AHR: variants seen among roughly 807,000 people sequenced by gnomAD.
AHR encodes the protein AH-receptor.
In AHR, 40 loss-of-function variants were observed where a neutral mutation model predicts 86.8. That is an observed-to-expected ratio of 0.46 (90% CI 0.36 to 0.60). AHR has a LOEUF of 0.60. Among genes scored for constraint, AHR ranks in the 20% least tolerant of loss-of-function variants. The pLI is 0.00. For synonymous variants in AHR, 398 were observed against 354.9 expected, an observed-to-expected ratio of 1.12 and a Z score of -1.37; for missense variants, 1,001 against 1,011.6, an observed-to-expected ratio of 0.99 and a Z score of 0.14.
At chr7:17,326,566 A>G (rs1228150207) in intron 3 of AHR, among the ~76,000 whole-genome samples, 1 of 152,162 alleles carries the variant, frequency 6.6e-6, no homozygotes, top group African/African-American at 2.4e-5. Context: ...GCTCATTTCT[A>G]CAACCATATA....
chr7:17,323,455 CT>C (rs1284615860), intron 3 of AHR, among the ~76,000 whole-genome samples: 2 of 151,986 alleles, frequency 1.3e-5, no homozygotes, highest in African/African-American at 4.8e-5. Flanking sequence ...CATTTTGCAT[CT>C]TTTTTTACTC....
chr7:17,310,462 A>G (rs537963029), intron 2 of AHR, among the ~76,000 whole-genome samples: 11 of 151,784 alleles, frequency 7.2e-5, no homozygotes, highest in Non-Finnish European at 1.0e-4. Flanking sequence ...ATAAAACACC[A>G]TCTTGCTGGA....
At position 17,334,989 on chromosome 7, in the gene AHR, T is replaced by C; in HGVS notation, c.1011T>C (p.His337=). 4 of 1,612,036 alleles carry C rather than the reference T, an allele frequency of 2.5e-6. No homozygotes were observed. The highest frequency in any genetic ancestry group is 3.4e-6 in the Non-Finnish European group (4 of 1,178,588). Residue 337 remains histidine, a synonymous_variant, in exon 8 of 11, where the codon CAT becomes CAC. Transcript: ENST00000242057. ...ATATGCTTTATTGTGCCGAGTCCCA[T>C]ATCCGAAGTAAGTTGTAGTTCCTTA... ...AADMLYCAES[H]IRMIKTGESG... is the part of the protein sequence containing the mutation.
intron 3 of AHR, among the ~76,000 whole-genome samples, chr7:17,326,795 C>T (rs1363654936): frequency 1.3e-5 from 2 of 152,076 alleles, no homozygotes; most frequent in African/African-American, 4.8e-5. Flanking sequence ...TTAAACTAAA[C>T]CATACTGTGT....
intron 4 of AHR, among the ~76,000 whole-genome samples, chr7:17,328,567 C>A (rs960831858): frequency 6.6e-6 from 1 of 151,896 alleles, no homozygotes; most frequent in African/African-American, 2.4e-5. Flanking sequence ...CACCTGAAGA[C>A]CTTGATAAAA....
rs1486374464 is a variant in AHR at position 17,335,635 on chromosome 7, T to G, written c.1019-10T>G. 6.5e-7 allele frequency: 1 copy of G among 1,536,044 alleles called. No individual in the cohort carries two copies. Among genetic ancestry groups the G allele is most frequent in the Non-Finnish European group, 8.8e-7 (1 of 1,141,636 alleles). On this transcript the variant is annotated splice_polypyrimidine_tract_variant and intron_variant, in intron 8 of 10. Coordinates refer to ENST00000242057, the MANE Select transcript of AHR (RefSeq NM_001621.5). ...GGGTTTGATAATTTAATTTTTTAAT[T>G]TTATTTTAGTGATTAAGACTGGAGA...
intron 2 of AHR, among the ~76,000 whole-genome samples, chr7:17,313,683 G>C (rs761268003): frequency 8.6e-5 from 13 of 151,954 alleles, no homozygotes; most frequent in Non-Finnish European, 1.6e-4. Flanking sequence ...CTTGAACAAG[G>C]CTTAGCAATT....
At chr7:17,327,703 A>T in intron 3 of AHR, 56 bp from the exon 4 acceptor site, 2 of 956,956 alleles carry the variant, frequency 2.1e-6, no homozygotes, top group Non-Finnish European at 3.1e-6. Flanking sequence ...AATAACCTTT[A>T]TCTGATGGTC....
At position 17,309,622 on chromosome 7, in the gene AHR, C is replaced by G. The variant is rs201899950; in HGVS notation, c.66-314C>G. On this transcript the variant is annotated intron_variant, in intron 1 of 10. Transcript: ENST00000242057. ...ATTTTCCACCAAACAATGGCTAATG[C>G]ATTTGAGAGGGGAAAAAAATCCCAG... 4.6e-5 allele frequency among the ~76,000 whole-genome samples: 7 copies of G among 152,212 alleles called. No individual in the cohort carries two copies. In the East Asian group the frequency reaches 1.4e-3, roughly 29 times the overall value.
chr7:17,334,943 A>G lies in AHR; in HGVS notation c.965A>G (p.Tyr322Cys). Residue 322 changes from tyrosine (Y) to cysteine (C), a missense_variant, in exon 8 of 11, where the codon TAT becomes TGT. This residue lies in a region of AHR where 394 missense variants were observed against 468.5 expected (regional missense o/e 0.84). Transcript: ENST00000242057. ...GAGCTGTGCACGAGAGGCTCAGGTT[A>G]TCAGTTTATTCATGCAGCTGATATG... ...EAELCTRGSGYQFIHAADMLY... is the reference protein window; with the variant it reads ...EAELCTRGSGCQFIHAADMLY... 1.9e-6 allele frequency: 3 copies of G among 1,613,386 alleles called. No homozygotes were observed. The highest frequency in any genetic ancestry group is 2.5e-6 in the Non-Finnish European group (3 of 1,179,484).
chr7:17,339,080 C>G lies in AHR; in HGVS notation c.1255C>G (p.Pro419Ala). 1 of 1,614,054 alleles carries G rather than the reference C, an allele frequency of 6.2e-7. No individual in the cohort carries two copies. The highest frequency in any genetic ancestry group is 8.5e-7 in the Non-Finnish European group (1 of 1,180,020). ...GEAVLYEATN[P>A]FPAIMDPLPL... Reference sequence around the variant, plus strand: ...AGCTGTGTTGTATGAGGCAACCAACCCTTTTCCTGCCATAATGGATCCCTT... The same window carrying G: ...AGCTGTGTTGTATGAGGCAACCAACGCTTTTCCTGCCATAATGGATCCCTT... Residue 419 changes from proline (P) to alanine (A), a missense_variant, in exon 10 of 11, where the codon CCT becomes GCT. By Grantham distance (27) the Pro-to-Ala change is conservative. Around this residue, in one of 2 missense-constraint regions of AHR, gnomAD observed 607 missense variants for 543.1 expected, o/e 1.12. Transcript: ENST00000242057.
At chr7:17,324,958 A>G (rs967280540) in intron 3 of AHR, among the ~76,000 whole-genome samples, 1 of 152,196 alleles carries the variant, frequency 6.6e-6, no homozygotes, top group African/African-American at 2.4e-5. Context: ...ATCTCTTGCT[A>G]TTTAATACTG....
intron 1 of AHR, among the ~76,000 whole-genome samples, chr7:17,306,564 C>T (rs138832936): frequency 7.2e-5 from 11 of 152,164 alleles, no homozygotes; most frequent in African/African-American, 2.6e-4. Context: ...TCTATCATTT[C>T]TTCTCTGTGT....
At chr7:17,340,255 A>T (rs781668709) in intron 10 of AHR, 27 bp downstream of exon 10, 1 of 1,555,206 alleles carries the variant, frequency 6.4e-7, no homozygotes, top group Admixed American at 2.0e-5. Flanking sequence ...ACTGAATTAA[A>T]TCTTTCAGTG....
chr7:17,342,578 T>G (rs1782437546), intron 10 of AHR, among the ~76,000 whole-genome samples: 2 of 152,170 alleles, frequency 1.3e-5, no homozygotes, highest in Admixed American at 1.3e-4. Context: ...CTACTTATGA[T>G]AGAGAATATT....
At position 17,335,705 on chromosome 7, in the gene AHR, G is replaced by A; in HGVS notation, c.1079G>A (p.Trp360Ter). ...CGGCTTCTTACAAAAAACAACCGAT[G>A]GACTTGGGTCCAGTCTAATGCACGC... ...VFRLLTKNNR[W>*]TWVQSNARLL... Residue 360 changes from tryptophan (W) to a stop codon, truncating the protein, a stop_gained, in exon 9 of 11, where the codon TGG (tryptophan) becomes TAG (stop). Coordinates refer to ENST00000242057, the MANE Select transcript of AHR (RefSeq NM_001621.5). LOFTEE classifies it high-confidence loss of function. The A allele has an allele frequency of 1.2e-6, 2 of 1,609,542 alleles. No individual in the cohort carries two copies. The highest frequency in any genetic ancestry group is 1.7e-6 in the Non-Finnish European group (2 of 1,177,254).
intron 2 of AHR, among the ~76,000 whole-genome samples, chr7:17,310,496 T>C (rs763661802): frequency 1.3e-5 from 2 of 151,918 alleles, no homozygotes; most frequent in Non-Finnish European, 2.9e-5. Flanking sequence ...CATAGACATG[T>C]CATTTTATTT....
chr7:17,332,519 A>C (rs1027312068), intron 6 of AHR, among the ~76,000 whole-genome samples: 2 of 151,812 alleles, frequency 1.3e-5, no homozygotes, highest in African/African-American at 4.8e-5. Context: ...ACCTAAGCTA[A>C]TGTGTGGGTT....
Position 17,339,542 on chromosome 7 carries a change from A to G in AHR, c.1717A>G (p.Arg573Gly). The G allele has an allele frequency of 6.2e-7, 1 of 1,614,204 alleles. No individual in the cohort carries two copies. Among genetic ancestry groups the G allele is most frequent in the African/African-American group, 1.3e-5 (1 of 75,072 alleles). Residue 573 changes from arginine to glycine, a missense_variant, in exon 10 of 11, where the codon AGA becomes GGA. Transcript: ENST00000242057. ...RNDFSGEVDF[R>G]DIDLTDEILT... is the part of the protein sequence containing the mutation. ...TGATTTTTCTGGTGAGGTTGACTTC[A>G]GAGACATTGACTTAACGGATGAAAT...
Sources: allele counts gnomAD v4.1 joint callset (sites outside exome capture counted in the v4.1 genomes callset), GRCh38; gene constraint gnomAD v4.1.1; regional missense constraint gnomAD v4.1.1; transcripts MANE v1.5; gene names NCBI Gene and HGNC (gene_info 2026-07-23, HGNC 2026-07-21).